The following RGS7BP variants were observed in gnomAD, a reference collection of about 807,000 sequenced individuals.
RGS7BP encodes regulator of G protein signaling 7-binding protein.
RGS7BP carries 9 observed loss-of-function variants against 31.3 expected under a neutral mutation model. The observed-to-expected ratio is 0.29, with a 90% confidence interval of 0.17 to 0.50. RGS7BP has a LOEUF of 0.50. Ranked by LOEUF, RGS7BP falls within the 20% of genes least tolerant of loss-of-function variation. The pLI is 0.98. For synonymous variants in RGS7BP, 115 were observed against 120.1 expected (o/e 0.96, Z 0.28); for missense variants, 274 against 322.0 (o/e 0.85, Z 1.14).
At chr5:64,599,333 C>A (rs1365105058) in intron 5 of RGS7BP, among the ~76,000 whole-genome samples, 1 of 152,186 alleles carries the variant, frequency 6.6e-6, no homozygotes, top group African/African-American at 2.4e-5. Context: ...GAAAGAAACT[C>A]TTCTTGTTTT....
chr5:64,506,797 A>T lies in RGS7BP; in HGVS notation c.165+8A>T. On this transcript the variant is annotated splice_region_variant and intron_variant, in intron 1 of 5. Coordinates refer to ENST00000334025, the MANE Select transcript of RGS7BP (RefSeq NM_001029875.3). This position sits in a 1 kb window ranked among gnomAD's most constrained non-coding sequence, Gnocchi z 4.6. ...CTGGACGACTGCAAGATGGTGGGTG[A>T]AAACTGCGCCTCTTTTTTTTTTTTT... The T allele has an allele frequency of 6.5e-7, 1 of 1,537,988 alleles. No individual in the cohort carries two copies. The highest frequency in any genetic ancestry group is 8.8e-7 in the Non-Finnish European group (1 of 1,139,378).
intron 3 of RGS7BP, among the ~76,000 whole-genome samples, chr5:64,577,255 G>A (rs1002582316): frequency 2.0e-5 from 3 of 151,976 alleles, no homozygotes; most frequent in East Asian, 3.9e-4. Context: ...TGGCTAACAC[G>A]GTGAAACCCA....
chr5:64,530,869 A>T (rs1370553830), intron 2 of RGS7BP, among the ~76,000 whole-genome samples: 1 of 152,132 alleles, frequency 6.6e-6, no homozygotes, highest in East Asian at 1.9e-4. Flanking sequence ...TTATAATCAC[A>T]TGGGGAAACA....
chr5:64,533,663 G>A (rs576854321), intron 2 of RGS7BP, among the ~76,000 whole-genome samples: 8 of 152,292 alleles, frequency 5.3e-5, no homozygotes, highest in African/African-American at 1.9e-4. Context: ...AATAAAGTAT[G>A]TACAAGAGAC....
chr5:64,561,272 C>G (rs1218600505), intron 2 of RGS7BP, among the ~76,000 whole-genome samples: 4 of 152,050 alleles, frequency 2.6e-5, no homozygotes, highest in Non-Finnish European at 5.9e-5. Flanking sequence ...AATTTAGGGG[C>G]TCAACAAAGA....
intron 2 of RGS7BP, among the ~76,000 whole-genome samples, chr5:64,570,899 A>G (rs185315095): frequency 1.6e-4 from 24 of 152,258 alleles, no homozygotes; most frequent in Admixed American, 9.8e-4. Flanking sequence ...CTCATAAACA[A>G]TTCAGCATAC....
intron 2 of RGS7BP, among the ~76,000 whole-genome samples, chr5:64,522,240 C>T (rs1749124231): frequency 6.6e-6 from 1 of 152,180 alleles, no homozygotes; most frequent in South Asian, 2.1e-4. Flanking sequence ...GAATGGAAGG[C>T]TGAATGGAAG....
In RGS7BP at chr5:64,609,240, C is replaced by T. The variant is rs370772784; in HGVS notation, c.762C>T (p.Leu254=). 5 of 1,602,240 alleles carry T rather than the reference C, an allele frequency of 3.1e-6. No individual in the cohort carries two copies. The highest frequency in any genetic ancestry group is 1.7e-5 in the Admixed American group (1 of 59,840). Reference sequence around the variant, plus strand: ...GAAGGTTCTTTGGGCTGTGTTGTCTCATCTCAAGCTAGGTGGCTCCTCCTG... The same window carrying T: ...GAAGGTTCTTTGGGCTGTGTTGTCTTATCTCAAGCTAGGTGGCTCCTCCTG... ...RKRRFFGLCC[L]ISS The change falls in exon 6 of 6, where the codon CTC becomes CTT. Residue 254 remains leucine (L), a synonymous_variant. Coordinates refer to ENST00000334025, the MANE Select transcript of RGS7BP (RefSeq NM_001029875.3).
intron 3 of RGS7BP, among the ~76,000 whole-genome samples, chr5:64,579,805 C>A (rs949294847): frequency 6.6e-6 from 1 of 151,974 alleles, no homozygotes; most frequent in South Asian, 2.1e-4. Flanking sequence ...TTGTATGATA[C>A]ATCCTTTCTA....
intron 2 of RGS7BP, among the ~76,000 whole-genome samples, chr5:64,522,217 TACTC>T (rs763227393): frequency 1.7e-4 from 26 of 152,168 alleles, no homozygotes; most frequent in Non-Finnish European, 3.7e-4. Flanking sequence ...AAGAGAGAAA[TACTC>T]ACCCTACTGA....
At chr5:64,555,362 T>C (rs1384629845) in intron 2 of RGS7BP, among the ~76,000 whole-genome samples, 26 of 152,176 alleles carry the variant, frequency 1.7e-4, no homozygotes, top group Admixed American at 1.6e-3. Flanking sequence ...TTTGTCTGTT[T>C]TACTCAATGT....
chr5:64,537,485 C>G (rs1340419055), intron 2 of RGS7BP, among the ~76,000 whole-genome samples: 1 of 152,040 alleles, frequency 6.6e-6, no homozygotes, highest in African/African-American at 2.4e-5. Context: ...TTTTAACCAC[C>G]CAATTACCTG....
At chr5:64,575,195 T>G (rs1742387043) in intron 2 of RGS7BP, among the ~76,000 whole-genome samples, 1 of 152,164 alleles carries the variant, frequency 6.6e-6, no homozygotes, top group Non-Finnish European at 1.5e-5. Context: ...TATTAGAATT[T>G]TATTACTTTT....
chr5:64,601,628 G>A (rs144497596), intron 5 of RGS7BP: 67 of 159,724 alleles, frequency 4.2e-4, no homozygotes, highest in South Asian at 1.0e-3. Context: ...CAAGGGCCAG[G>A]TCTCCTGGCT....
intron 2 of RGS7BP, among the ~76,000 whole-genome samples, chr5:64,540,051 G>C (rs908772749): frequency 1.7e-4 from 26 of 152,006 alleles, no homozygotes; most frequent in African/African-American, 6.0e-4. Context: ...AAATTAAAGA[G>C]AGTAAAGCAG....
At chr5:64,534,322 G>A (rs900564355) in intron 2 of RGS7BP, among the ~76,000 whole-genome samples, 1 of 152,150 alleles carries the variant, frequency 6.6e-6, no homozygotes, top group Admixed American at 6.5e-5. Flanking sequence ...AGCCTGTCAG[G>A]GCCTCGCTAG....
intron 2 of RGS7BP, chr5:64,573,442 G>A (rs866485716): frequency 3.9e-5 from 6 of 151,994 alleles, no homozygotes; most frequent in Non-Finnish European, 5.9e-5. Flanking sequence ...TTGTACTTCC[G>A]AAAATAAGAA....
intron 5 of RGS7BP, among the ~76,000 whole-genome samples, chr5:64,602,978 G>A (rs1743259416): frequency 6.6e-6 from 1 of 152,180 alleles, no homozygotes; most frequent in South Asian, 2.1e-4. Context: ...ATGGGGAGAT[G>A]AAATAGGAGG....
At position 64,606,033 on chromosome 5, in the gene RGS7BP, TATATATAGAGAG is replaced by T. The variant is rs1561352630; in HGVS notation, c.683-3126_683-3115del. On this transcript the variant is annotated intron_variant, in intron 5 of 5. Transcript: ENST00000334025. ...GTATATCTGGATACATATATATATATATATATAGAGAGAGAGAGAGAGAGAGAAGGCTGAGCG... is the reference window on the plus strand; with the variant it reads ...GTATATCTGGATACATATATATATATAGAGAGAGAGAGAGAAGGCTGAGCG... 2.4e-4 allele frequency among the ~76,000 whole-genome samples: 29 copies of T among 119,584 alleles called. 1 individual carries two copies. The highest frequency in any genetic ancestry group is 6.7e-4 in the African/African-American group (23 of 34,438). 78.5% of individuals were successfully genotyped at this position (119,584 alleles called of 152,430 possible).
Sources: allele counts gnomAD v4.1 joint callset (sites outside exome capture counted in the v4.1 genomes callset), GRCh38; gene constraint gnomAD v4.1.1; non-coding constraint Gnocchi (gnomAD v3.1); transcripts MANE v1.5; gene names NCBI Gene and HGNC (gene_info 2026-07-23, HGNC 2026-07-21).